AFAP1L1: variants seen among roughly 807,000 people sequenced by gnomAD.
AFAP1L1 encodes actin filament associated protein 1 like 1.
Under a neutral mutation model 99.8 loss-of-function variants are expected in AFAP1L1, and 77 were observed. The ratio of observed to expected loss-of-function variants is 0.77; its 90% CI spans 0.64 to 0.93. The LOEUF is 0.93. Among genes scored for constraint, AFAP1L1 ranks in the 40% least tolerant of loss-of-function variants. The probability of loss-of-function intolerance (pLI) is 0.00; values close to 1 mark genes in which losing one functional copy is unlikely to be tolerated. For missense variants in AFAP1L1, 893 were observed against 996.8 expected, an observed-to-expected ratio of 0.90 and a Z score of 1.40; for synonymous variants, 373 against 395.3, an observed-to-expected ratio of 0.94 and a Z score of 0.67.
intron 15 of AFAP1L1, among the ~76,000 whole-genome samples, chr5:149,325,520 G>A (rs1266597377): frequency 6.6e-6 from 1 of 152,142 alleles, no homozygotes; most frequent in Non-Finnish European, 1.5e-5. Flanking sequence ...AGAATACTGG[G>A]GCCCTGATTG....
At chr5:149,313,041 T>C (rs78883610) in intron 9 of AFAP1L1, among the ~76,000 whole-genome samples, 12,871 of 150,822 alleles carry the variant, frequency 0.085, 595 homozygotes, top group Middle Eastern at 0.18. Flanking sequence ...GGAGGAGAAT[T>C]GCTTGAACCG....
chr5:149,302,044 A>T (rs1302820179), intron 4 of AFAP1L1, among the ~76,000 whole-genome samples: 1 of 152,208 alleles, frequency 6.6e-6, no homozygotes, highest in African/African-American at 2.4e-5. Context: ...GTCCTGCCTC[A>T]CTAAAGAACA....
chr5:149,286,757 G>A (rs995520389), intron 1 of AFAP1L1, among the ~76,000 whole-genome samples: 5 of 152,194 alleles, frequency 3.3e-5, no homozygotes. Context: ...CAACAGGCCT[G>A]TGGAGGTAGG....
intron 1 of AFAP1L1, among the ~76,000 whole-genome samples, chr5:149,285,327 G>A (rs1458435248): frequency 6.6e-6 from 1 of 151,804 alleles, no homozygotes; most frequent in Non-Finnish European, 1.5e-5. Context: ...ACTGACAACC[G>A]CAGCAACATT....
rs895073226 is a variant in AFAP1L1, at chr5:149,312,284, G to C, written c.1020+80G>C. On this transcript the variant is annotated intron_variant, in intron 9 of 18. Transcript: ENST00000296721. ...GGCTCAACCCCAGGGGAACTAACTG[G>C]CTGGGGGGAAAGTCAGGCAACTGCC... 2.8e-6 allele frequency: 4 copies of C among 1,434,916 alleles called. No homozygotes were observed. In the African/African-American group the frequency reaches 5.6e-5, roughly 20 times the overall value. 88.9% of individuals were successfully genotyped at this position (1,434,916 alleles called of 1,614,324 possible).
chr5:149,315,082 G>C (rs1385413140), intron 9 of AFAP1L1, among the ~76,000 whole-genome samples: 1 of 152,198 alleles, frequency 6.6e-6, no homozygotes, highest in Non-Finnish European at 1.5e-5. Flanking sequence ...AGTCATCATT[G>C]CTTCCACTCT....
intron 7 of AFAP1L1, 81 bp downstream of exon 7, chr5:149,307,694 T>A (rs922596392): frequency 6.9e-7 from 1 of 1,444,392 alleles, no homozygotes; most frequent in Non-Finnish European, 9.5e-7. Flanking sequence ...TGTGGATATG[T>A]CTGCCTTGGG....
chr5:149,310,068 C>A lies in AFAP1L1; in HGVS notation c.860C>A (p.Thr287Asn). ...SRHKRHELRF[T>N]QGATEVLVLA... The stretch of plus-strand genomic sequence containing the variant: ...CACAAGAGGCACGAGCTGCGTTTCA[C>A]CCAGGGGGCTACCGAGGTCTTGGTG... The change falls in exon 8 of 19, where the codon ACC becomes AAC. Residue 287 changes from threonine (T) to asparagine (N), a missense_variant. Physicochemically the swap from Thr to Asn is moderately conservative, Grantham distance 65. Coordinates refer to ENST00000296721, the MANE Select transcript of AFAP1L1 (RefSeq NM_152406.4). The A allele has an allele frequency of 6.2e-7, 1 of 1,614,118 alleles. No homozygotes were observed. Among genetic ancestry groups the A allele is most frequent in the South Asian group, 1.1e-5 (1 of 91,070 alleles).
Position 149,302,489 on chromosome 5 carries a change from G to T in AFAP1L1, c.399G>T (p.Leu133=). The change falls in exon 5 of 19, where the codon CTG becomes CTT. Residue 133 remains leucine (L), a synonymous_variant. Transcript: ENST00000296721. The stretch of plus-strand genomic sequence containing the variant: ...ACTACTATGAAGAGGCCCTTCCTCT[G>T]GGACCCGGCAAGTCGCCTGAGTACA... ...PEDYYEEALP[L]GPGKSPEYIS... is the part of the protein sequence containing the mutation. 6.3e-7 allele frequency: 1 copy of T among 1,593,814 alleles called. No homozygotes were observed. The highest frequency in any genetic ancestry group is 2.3e-5 in the East Asian group (1 of 44,222).
intron 18 of AFAP1L1, among the ~76,000 whole-genome samples, chr5:149,338,886 A>C (rs945918428): frequency 6.6e-6 from 1 of 152,186 alleles, no homozygotes. Context: ...CAAGTCCCTG[A>C]AGTGGGAAAA....
In AFAP1L1 at chr5:149,329,841, G is replaced by A. The variant is rs1485402001; in HGVS notation, c.1975+11G>A. 4.4e-6 allele frequency: 7 copies of A among 1,601,140 alleles called. No individual in the cohort carries two copies. The highest frequency in any genetic ancestry group is 5.1e-6 in the Non-Finnish European group (6 of 1,173,946). ...TTCGGAGCAGCCCAGGTACCTATGT[G>A]GGTGTGGTCCTGAGCACCTATGGGT... On this transcript the variant is annotated intron_variant, in intron 16 of 18. Coordinates refer to ENST00000296721, the MANE Select transcript of AFAP1L1 (RefSeq NM_152406.4).
chr5:149,299,467 G>T, intron 1 of AFAP1L1, 42 bp from the exon 2 acceptor site: 1 of 1,610,336 alleles, frequency 6.2e-7, no homozygotes, highest in Non-Finnish European at 8.5e-7. Context: ...ACAGAGCTGT[G>T]ACTGTGCAGC....
In AFAP1L1 at chr5:149,271,901, C is replaced by T. The variant is rs1166836657; in HGVS notation, c.-68C>T. On this transcript the variant is annotated 5_prime_UTR_variant, in exon 1 of 19. Transcript: ENST00000296721. ...GGGCTGGCCTGAGAGCGCAGCGCGCCGGCCGCTACCAGCCGCGCCGGAGCC... is the reference window on the plus strand; with the variant it reads ...GGGCTGGCCTGAGAGCGCAGCGCGCTGGCCGCTACCAGCCGCGCCGGAGCC... 8.6e-7 allele frequency: 1 copy of T among 1,168,528 alleles called. No homozygotes were observed. The highest frequency in any genetic ancestry group is 4.3e-5 in the South Asian group (1 of 23,480). 72.4% of individuals were successfully genotyped at this position (1,168,528 alleles called of 1,614,324 possible).
chr5:149,322,112 AT>A (rs1428521414), intron 14 of AFAP1L1, among the ~76,000 whole-genome samples: 1 of 152,204 alleles, frequency 6.6e-6, no homozygotes, highest in Non-Finnish European at 1.5e-5. Context: ...TATTTAACTC[AT>A]GGTTTCCTAA....
intron 13 of AFAP1L1, among the ~76,000 whole-genome samples, 200 bp downstream of exon 13, chr5:149,319,927 G>A (rs1052062400): frequency 2.0e-5 from 3 of 152,248 alleles, no homozygotes; most frequent in African/African-American, 7.2e-5. Context: ...CAGAGTCAGA[G>A]GCAAGCTGTG....
At chr5:149,329,448 T>C (rs1466990825) in intron 15 of AFAP1L1, among the ~76,000 whole-genome samples, 6 of 152,214 alleles carry the variant, frequency 3.9e-5, no homozygotes, top group Non-Finnish European at 5.9e-5. Context: ...TCTCAGACTG[T>C]CTGTTCCAAG....
At chr5:149,334,300 C>A (rs1561687393) in intron 17 of AFAP1L1, among the ~76,000 whole-genome samples, 1 of 152,110 alleles carries the variant, frequency 6.6e-6, no homozygotes, top group Admixed American at 6.5e-5. Context: ...ACATGACAGC[C>A]AAGGACAAAA....
chr5:149,306,498 A>G, intron 6 of AFAP1L1, 94 bp downstream of exon 6: 1 of 1,162,722 alleles, frequency 8.6e-7, no homozygotes, highest in Non-Finnish European at 1.2e-6. Context: ...TGTGCCCACC[A>G]GCCCCTCACC....
chr5:149,277,419 C>G (rs1381330697), intron 1 of AFAP1L1, among the ~76,000 whole-genome samples: 2 of 152,188 alleles, frequency 1.3e-5, no homozygotes, highest in Non-Finnish European at 2.9e-5. Flanking sequence ...GCCATGTCTT[C>G]CCTACAGTGT....
Sources: allele counts gnomAD v4.1 joint callset (sites outside exome capture counted in the v4.1 genomes callset), GRCh38; gene constraint gnomAD v4.1.1; transcripts MANE v1.5; gene names NCBI Gene and HGNC (gene_info 2026-07-23, HGNC 2026-07-21).